SVEP1: variants seen among roughly 807,000 people sequenced by gnomAD.
SVEP1 encodes sushi, von Willebrand factor type A, EGF and pentraxin domain containing 1, also known as sushi, von Willebrand factor type A, EGF and pentraxin domain-containing protein 1.
In SVEP1, 164 loss-of-function variants were observed where a neutral mutation model predicts 367.3. The ratio of observed to expected loss-of-function variants is 0.45; its 90% CI spans 0.39 to 0.51. The LOEUF (loss-of-function observed/expected upper bound fraction) is 0.51, where lower values mean the gene tolerates loss of function less well. Among genes scored for constraint, SVEP1 ranks in the 20% least tolerant of loss-of-function variants. The pLI, the probability that SVEP1 is intolerant of heterozygous loss-of-function variation, is 0.00. For synonymous variants in SVEP1, 1,666 were observed against 1,611.6 expected (o/e 1.03, Z -0.81); for missense variants, 4,117 against 4,425.3 (o/e 0.93, Z 1.98).
chr9:110,480,372 T>G (rs960784581), intron 12 of SVEP1, among the ~76,000 whole-genome samples: 5 of 152,156 alleles, frequency 3.3e-5, no homozygotes, highest in African/African-American at 1.2e-4. Context: ...AAAATAGCTC[T>G]GTTAAGTGGG....
chr9:110,528,579 A>G lies in SVEP1; in HGVS notation c.965-14473T>C, dbSNP rs554221991. ...ATTAGTGATTTTGAGCATTTTTCAT[A>G]TGTTTGTTGGCCATTTATATATCTT... On this transcript the variant is annotated intron_variant, in intron 3 of 47. Coordinates refer to ENST00000374469, the MANE Select transcript of SVEP1 (RefSeq NM_153366.4). Among the ~76,000 whole-genome samples, 12 of 151,952 alleles carry G rather than the reference A, an allele frequency of 7.9e-5. No homozygotes were observed. The East Asian group carries it at 2.3e-3, about 29-fold the overall frequency.
chr9:110,517,751 T>TA (rs5899902), intron 3 of SVEP1, among the ~76,000 whole-genome samples: 7,109 of 50,412 alleles, frequency 0.14, 683 homozygotes, highest in Admixed American at 0.17. Context: ...ACCTGGCTCT[T>TA]AAAAAAAAAA....
intron 3 of SVEP1, among the ~76,000 whole-genome samples, chr9:110,536,691 A>G (rs1830083805): frequency 6.6e-6 from 1 of 151,920 alleles, no homozygotes; most frequent in African/African-American, 2.4e-5. Flanking sequence ...AGGGTCTTTA[A>G]GAAGCTTTTC....
Position 110,411,624 on chromosome 9 carries a change from G to C in SVEP1, c.6087C>G (p.His2029Gln). Reference protein sequence around the residue: ...VSCDEPPIVDHASPETAHRLF... With the variant: ...VSCDEPPIVDQASPETAHRLF... ...GCCGATGGGCAGTCTCTGGAGAGGCGTGGTCCACAATGGGTGGCTCATCAC... is the reference window on the plus strand; with the variant it reads ...GCCGATGGGCAGTCTCTGGAGAGGCCTGGTCCACAATGGGTGGCTCATCAC... The change falls in exon 37 of 48, where the codon CAC becomes CAG. Residue 2029 changes from histidine to glutamine, a missense_variant. Coordinates refer to ENST00000374469, the MANE Select transcript of SVEP1 (RefSeq NM_153366.4). The C allele has an allele frequency of 6.2e-7, 1 of 1,613,132 alleles. No individual in the cohort carries two copies.
In SVEP1 at chr9:110,450,072, C is replaced by G. The variant is rs768762914; in HGVS notation, c.4090G>C (p.Ala1364Pro). ...TTAGCCTTTTACCTGAAGCTATTGGCACCGTCTTTACAGGTAGCTCCATTT... is the reference window on the plus strand; with the variant it reads ...TTAGCCTTTTACCTGAAGCTATTGGGACCGTCTTTACAGGTAGCTCCATTT... ...CKNGATCKDG[A>P]NSFRCLCAAG... The change falls in exon 24 of 48, where the codon GCC becomes CCC. Residue 1364 changes from alanine (A) to proline (P), a missense_variant. This residue lies in a region of SVEP1 where 2,174 missense variants were observed against 2,494.3 expected (regional missense o/e 0.87). Transcript: ENST00000374469. The G allele has an allele frequency of 6.2e-6, 10 of 1,613,744 alleles. No homozygotes were observed. The African/African-American group carries it at 1.2e-4, about 19-fold the overall frequency.
chr9:110,492,218 T>C (rs886920865), intron 8 of SVEP1, among the ~76,000 whole-genome samples: 5 of 152,106 alleles, frequency 3.3e-5, no homozygotes, highest in Non-Finnish European at 5.9e-5. Flanking sequence ...TGAAGAACTG[T>C]CAGCAAACAC....
intron 8 of SVEP1, among the ~76,000 whole-genome samples, chr9:110,490,495 T>C (rs1829351899): frequency 6.6e-6 from 1 of 152,104 alleles, no homozygotes; most frequent in Non-Finnish European, 1.5e-5. Flanking sequence ...CCCCCACCTT[T>C]CTTGGCTTCG....
chr9:110,530,034 T>C (rs1829998126), intron 3 of SVEP1, among the ~76,000 whole-genome samples: 1 of 152,162 alleles, frequency 6.6e-6, no homozygotes, highest in South Asian at 2.1e-4. Context: ...GTTCCTTTTA[T>C]GCCTTGTTTG....
At position 110,553,618 on chromosome 9, in the gene SVEP1, A is replaced by C. The variant is rs1375333180; in HGVS notation, c.532-3514T>G. ...AACCCCTCTGCGACACAGTTCAAAGATATCCAGGGGAGACAGGCCCAGGTA... is the reference window on the plus strand; with the variant it reads ...AACCCCTCTGCGACACAGTTCAAAGCTATCCAGGGGAGACAGGCCCAGGTA... On this transcript the variant is annotated intron_variant, in intron 1 of 47. Transcript: ENST00000374469. Among the ~76,000 whole-genome samples, 3 of 152,180 alleles carry C rather than the reference A, an allele frequency of 2.0e-5. No individual in the cohort carries two copies. The East Asian group carries it at 5.8e-4, about 29-fold the overall frequency.
intron 31 of SVEP1, 120 bp from the exon 32 acceptor site, chr9:110,432,154 T>C: frequency 7.7e-6 from 9 of 1,169,150 alleles, no homozygotes; most frequent in Non-Finnish European, 1.1e-5. Flanking sequence ...TATATTTGTA[T>C]AGAATTTAAA....
chr9:110,368,252 G>C (rs1827227560), intron 47 of SVEP1, among the ~76,000 whole-genome samples: 1 of 152,142 alleles, frequency 6.6e-6, no homozygotes, highest in Non-Finnish European at 1.5e-5. Context: ...CCACTCCTCT[G>C]TCCTTGGGTT....
chr9:110,567,002 T>C (rs1462322249), intron 1 of SVEP1, among the ~76,000 whole-genome samples: 3 of 152,248 alleles, frequency 2.0e-5, no homozygotes, highest in Non-Finnish European at 2.9e-5. Context: ...AATTATCCTA[T>C]CATTTCAAAA....
At chr9:110,513,863 A>T (rs1315660884) in intron 4 of SVEP1, 85 bp downstream of exon 4, 1 of 1,416,782 alleles carries the variant, frequency 7.1e-7, no homozygotes, top group African/African-American at 1.4e-5. Flanking sequence ...GATCATTCTA[A>T]ATGAATTAGG....
In SVEP1 at chr9:110,434,393, G is replaced by C; in HGVS notation, c.5002C>G (p.Pro1668Ala). 1.2e-6 allele frequency: 2 copies of C among 1,613,244 alleles called. No individual in the cohort carries two copies. Among genetic ancestry groups the C allele is most frequent in the Middle Eastern group, 1.6e-4 (1 of 6,062 alleles). Residue 1668 changes from proline to alanine, a missense_variant, in exon 30 of 48, where the codon CCT becomes GCT. Physicochemically the swap from Pro to Ala is conservative, Grantham distance 27. Coordinates refer to ENST00000374469, the MANE Select transcript of SVEP1 (RefSeq NM_153366.4). ...CCTTGATTCAGACAGTACTGCACAG[G>C]GTTCCCGACCAGCTGGAAGCCTGGA... is the stretch of plus-strand genomic sequence containing the variant. ...CDPGFQLVGN[P>A]VQYCLNQGQW...
intron 6 of SVEP1, 103 bp downstream of exon 6, chr9:110,502,935 C>G: frequency 8.0e-7 from 1 of 1,250,582 alleles, no homozygotes. Context: ...TGTATTTATA[C>G]TCATTACCAG....
chr9:110,367,515 C>T (rs1827217577), intron 47 of SVEP1, among the ~76,000 whole-genome samples: 2 of 152,184 alleles, frequency 1.3e-5, no homozygotes, highest in South Asian at 2.1e-4. Context: ...GAAGGAAAAA[C>T]TTATACGGTA....
At chr9:110,566,215 T>A (rs1385794421) in intron 1 of SVEP1, among the ~76,000 whole-genome samples, 1 of 151,582 alleles carries the variant, frequency 6.6e-6, no homozygotes, top group African/African-American at 2.4e-5. Flanking sequence ...CCAGCTATTC[T>A]GGAGGCTGAT....
intron 18 of SVEP1, among the ~76,000 whole-genome samples, chr9:110,463,716 GAA>G (rs1051829846): frequency 4.0e-5 from 6 of 151,688 alleles, no homozygotes; most frequent in African/African-American, 1.5e-4. Context: ...GCAAAAGAGA[GAA>G]AGAGAAAGAA....
intron 13 of SVEP1, among the ~76,000 whole-genome samples, chr9:110,478,445 C>T (rs7032150): frequency 0.81 from 123,238 of 152,124 alleles, 50,242 homozygotes; most frequent in East Asian, 0.99. Flanking sequence ...AACAGCACAT[C>T]CTATTCCCTT....
Sources: allele counts gnomAD v4.1 joint callset (sites outside exome capture counted in the v4.1 genomes callset), GRCh38; gene constraint gnomAD v4.1.1; regional missense constraint gnomAD v4.1.1; transcripts MANE v1.5; gene names NCBI Gene and HGNC (gene_info 2026-07-23, HGNC 2026-07-21).